FAT3: variants seen among roughly 807,000 people sequenced by gnomAD.
FAT3 encodes protocadherin Fat 3.
FAT3 carries 95 observed loss-of-function variants against 310.2 expected under a neutral mutation model. The observed-to-expected ratio is 0.31, with a 90% CI of 0.26 to 0.36. The LOEUF is 0.36. Ranked by LOEUF, FAT3 falls within the 10% of genes least tolerant of loss-of-function variation. The probability of loss-of-function intolerance (pLI) is 1.00; values close to 1 mark genes in which losing one functional copy is unlikely to be tolerated. For missense variants in FAT3, 5,408 were observed against 5,715.6 expected, an observed-to-expected ratio of 0.95 and a Z score of 1.74; for synonymous variants, 2,314 against 2,192.9, an observed-to-expected ratio of 1.06 and a Z score of -1.54.
intron 7 of FAT3, 53 bp from the exon 8 acceptor site, chr11:92,789,890 T>A (rs2136154931): frequency 6.3e-7 from 1 of 1,584,334 alleles, no homozygotes; most frequent in East Asian, 2.2e-5. Flanking sequence ...ATACTTTTAT[T>A]AGCAGTGAGC....
chr11:92,372,956 G>T lies in FAT3; in HGVS notation c.3292+17552G>T, dbSNP rs116730926. Among the ~76,000 whole-genome samples the T allele has an allele frequency of 5.9e-3, 903 of 152,204 alleles. 7 individuals carry two copies. Among genetic ancestry groups the T allele is most frequent in the African/African-American group, 0.02 (847 of 41,562 alleles). On this transcript the variant is annotated intron_variant, in intron 2 of 27. Transcript: ENST00000525166. ...ATTACAGGCATGAGCCACCGTGCCC[G>T]GCCAGCAAACGATTTTTTAAAAATT... is the stretch of plus-strand genomic sequence containing the variant.
chr11:92,641,759 G>C (rs1941973845), intron 3 of FAT3, among the ~76,000 whole-genome samples: 1 of 152,256 alleles, frequency 6.6e-6, no homozygotes, highest in South Asian at 2.1e-4. Context: ...GGCTAGAATA[G>C]ATATGTCTTT....
chr11:92,301,082 T>C (rs973847654), intron 1 of FAT3, among the ~76,000 whole-genome samples: 8 of 152,120 alleles, frequency 5.3e-5, no homozygotes, highest in African/African-American at 1.9e-4. Flanking sequence ...CCTCTCCTCA[T>C]GTGCTTTTGG....
intron 3 of FAT3, among the ~76,000 whole-genome samples, chr11:92,540,052 A>G (rs990999960): frequency 3.3e-5 from 5 of 152,120 alleles, no homozygotes; most frequent in African/African-American, 4.8e-5. Context: ...CATGCATACA[A>G]GGTTTTCACT....
intron 2 of FAT3, among the ~76,000 whole-genome samples, chr11:92,424,269 A>T (rs1950586267): frequency 6.6e-6 from 1 of 152,184 alleles, no homozygotes; most frequent in East Asian, 1.9e-4. Context: ...TCACTTTGCT[A>T]ATTTTGATAG....
chr11:92,884,776 T>C (rs185887511), intron 24 of FAT3, among the ~76,000 whole-genome samples: 1 of 152,256 alleles, frequency 6.6e-6, no homozygotes, highest in African/African-American at 2.4e-5. Context: ...GCTCTGTTGT[T>C]CAGGTGAGAG....
intron 2 of FAT3, among the ~76,000 whole-genome samples, chr11:92,466,603 T>C (rs1443044537): frequency 2.0e-5 from 3 of 151,780 alleles, no homozygotes; most frequent in Non-Finnish European, 4.4e-5. Context: ...TTATTATACT[T>C]TAAGTTTTAG....
intron 1 of FAT3, among the ~76,000 whole-genome samples, chr11:92,340,133 AAG>A (rs1491227676): frequency 2.7e-5 from 4 of 149,508 alleles, no homozygotes; most frequent in African/African-American, 9.8e-5. Flanking sequence ...AAAAAAAAAA[AAG>A]CCAGGCTCAA....
intron 4 of FAT3, among the ~76,000 whole-genome samples, chr11:92,719,062 T>C (rs1355561392): frequency 6.6e-6 from 1 of 152,176 alleles, no homozygotes; most frequent in African/African-American, 2.4e-5. Context: ...ATTTTTACAG[T>C]ATTAGGTTCC....
intron 12 of FAT3, among the ~76,000 whole-genome samples, 167 bp downstream of exon 12, chr11:92,806,682 C>T (rs1436620284): frequency 6.6e-6 from 1 of 152,038 alleles, no homozygotes; most frequent in Non-Finnish European, 1.5e-5. Context: ...AATGAACTGA[C>T]CACAGACAGA....
At chr11:92,582,040 G>A (rs1472084558) in intron 3 of FAT3, among the ~76,000 whole-genome samples, 1 of 152,020 alleles carries the variant, frequency 6.6e-6, no homozygotes. Flanking sequence ...TAAACAAGGG[G>A]TGGATTATTC....
chr11:92,744,638 A>G (rs1391837754), intron 4 of FAT3, among the ~76,000 whole-genome samples: 1 of 152,070 alleles, frequency 6.6e-6, no homozygotes, highest in Non-Finnish European at 1.5e-5. Context: ...GATAACTGAC[A>G]TTGCTGTAGT....
In FAT3 at chr11:92,866,907, G is replaced by C. The variant is rs752185173; in HGVS notation, c.11825G>C (p.Arg3942Pro). 1 of 1,613,938 alleles carries C rather than the reference G, an allele frequency of 6.2e-7. No homozygotes were observed. Among genetic ancestry groups the C allele is most frequent in the Non-Finnish European group, 8.5e-7 (1 of 1,179,886 alleles). The stretch of plus-strand genomic sequence containing the variant: ...GATGACAGCTACGTGGAGCGGCGCC[G>C]GGCGCCCCTCTACTTCCAGACGCTG... The part of the protein sequence containing the change: ...SLDDSYVERR[R>P]APLYFQTLST... Residue 3942 changes from arginine to proline, a missense_variant, in exon 22 of 28, where the codon CGG becomes CCG. Arg to Pro is a moderately radical substitution (Grantham distance 103, BLOSUM62 -2). This residue lies in a region of FAT3 where 4,588 missense variants were observed against 4,809.8 expected (regional missense o/e 0.95). Coordinates refer to ENST00000525166, the MANE Select transcript of FAT3 (RefSeq NM_001367949.2).
chr11:92,844,811 A>T lies in FAT3; in HGVS notation c.11365+79A>T, dbSNP rs539405172. 13 of 1,368,132 alleles carry T rather than the reference A, an allele frequency of 9.5e-6. No homozygotes were observed. The South Asian group carries it at 1.8e-4, about 19-fold the overall frequency. 84.7% of individuals were successfully genotyped at this position (1,368,132 alleles called of 1,614,324 possible). A position where few individuals can be genotyped will look rare whatever the true frequency, so the allele number is the denominator to read the frequency against. On this transcript the variant is annotated intron_variant, in intron 19 of 27. Coordinates refer to ENST00000525166, the MANE Select transcript of FAT3 (RefSeq NM_001367949.2). ...TGAGTTACCATTCCAGCATGCCTGC[A>T]TTCAATCATTCGTTCAACTAAATAT...
At chr11:92,257,562 C>T (rs1865366652) in intron 1 of FAT3, among the ~76,000 whole-genome samples, 1 of 152,076 alleles carries the variant, frequency 6.6e-6, no homozygotes, top group Non-Finnish European at 1.5e-5. Flanking sequence ...AAGCGTACAA[C>T]CTGTTCCAGT....
Position 92,800,135 on chromosome 11 carries a change from G to A in FAT3, c.7122G>A (p.Leu2374=), listed in dbSNP as rs1234700062. The change falls in exon 10 of 28, where the codon CTG becomes CTA. Residue 2374 remains leucine, a synonymous_variant. Transcript: ENST00000525166. The stretch of plus-strand genomic sequence containing the variant: ...CAATAGATAGTGGCTTCCCATCACT[G>A]AGCAGTGAGGTTCTCGTTCATATCT... ...VRSIDSGFPS[L]SSEVLVHIYI... 3.1e-6 allele frequency: 5 copies of A among 1,613,940 alleles called. No individual in the cohort carries two copies. The highest frequency in any genetic ancestry group is 2.2e-5 in the South Asian group (2 of 91,056).
intron 2 of FAT3, among the ~76,000 whole-genome samples, chr11:92,360,091 C>T (rs1485963001): frequency 2.0e-5 from 3 of 152,112 alleles, no homozygotes; most frequent in African/African-American, 7.2e-5. Flanking sequence ...TTTACAGTCC[C>T]ACCAACAGTG....
At chr11:92,702,436 C>T (rs1180948458) in intron 4 of FAT3, among the ~76,000 whole-genome samples, 1 of 152,172 alleles carries the variant, frequency 6.6e-6, no homozygotes, top group Non-Finnish European at 1.5e-5. Flanking sequence ...TGAGCGTTGC[C>T]ACGTTAAATT....
At chr11:92,307,767 C>A (rs1463901508) in intron 1 of FAT3, among the ~76,000 whole-genome samples, 2 of 152,024 alleles carry the variant, frequency 1.3e-5, no homozygotes, top group Non-Finnish European at 2.9e-5. Context: ...TGCTGACAGC[C>A]CCTCATTCCT....
Sources: allele counts gnomAD v4.1 joint callset (sites outside exome capture counted in the v4.1 genomes callset), GRCh38; gene constraint gnomAD v4.1.1; regional missense constraint gnomAD v4.1.1; transcripts MANE v1.5; gene names NCBI Gene and HGNC (gene_info 2026-07-23, HGNC 2026-07-21).